ATP10A: variants seen among roughly 807,000 people sequenced by gnomAD.
ATP10A encodes the protein phospholipid-transporting ATPase VA.
A neutral mutation model predicts 147.8 loss-of-function variants in ATP10A; 111 were observed. The ratio of observed to expected loss-of-function variants is 0.75; its 90% CI spans 0.64 to 0.88. The LOEUF is 0.88. Ranked by LOEUF, ATP10A falls within the 40% of genes least tolerant of loss-of-function variation. The pLI, the probability that ATP10A is intolerant of heterozygous loss-of-function variation, is 0.00. For synonymous variants in ATP10A, 875 were observed against 841.6 expected (o/e 1.04, Z -0.69); for missense variants, 1,927 against 1,959.0 (o/e 0.98, Z 0.31).
Position 25,679,600 on chromosome 15 carries a change from T to C in ATP10A, c.4241A>G (p.Lys1414Arg), listed in dbSNP as rs768640562. The change falls in exon 21 of 21, where the codon AAG becomes AGG. Residue 1414 changes from lysine (K) to arginine (R), a missense_variant. Physicochemically the swap from Lys to Arg is conservative, Grantham distance 26. Transcript: ENST00000555815. ...RSPGGCPEES[K>R]VRAASTGRVT... ...CCTGCCGGTGCTGGCAGCTCTCACC[T>C]TGGACTCCTCAGGACACCCTCCTGG... 7 of 1,611,124 alleles carry C rather than the reference T, an allele frequency of 4.3e-6. No homozygotes were observed. The African/African-American group carries it at 5.3e-5, about 12-fold the overall frequency.
chr15:25,696,442 C>G (rs1174443086), intron 13 of ATP10A, among the ~76,000 whole-genome samples: 2 of 152,226 alleles, frequency 1.3e-5, no homozygotes, highest in Non-Finnish European at 2.9e-5. Flanking sequence ...GATGCCATCA[C>G]AGGAACTCCA....
chr15:25,721,854 A>T lies in ATP10A; in HGVS notation c.1166T>A (p.Val389Glu), dbSNP rs1228758242. The change falls in exon 7 of 21, where the codon GTG becomes GAG. Residue 389 changes from valine (V) to glutamate (E), a missense_variant. Physicochemically the swap from Val to Glu is moderately radical, Grantham distance 121. Transcript: ENST00000555815. Reference protein sequence around the residue: ...VSIEIVKACQVYFINQDMQLY... With the variant: ...VSIEIVKACQEYFINQDMQLY... ...CTGCATGTCCTGGTTAATGAAGTAC[A>T]CTTGGCATGCTTTAACAATTTCAAT... 6.2e-7 allele frequency: 1 copy of T among 1,614,150 alleles called. No individual in the cohort carries two copies. Among genetic ancestry groups the T allele is most frequent in the Non-Finnish European group, 8.5e-7 (1 of 1,180,012 alleles).
chr15:25,720,833 C>T (rs1404547622), intron 7 of ATP10A, among the ~76,000 whole-genome samples: 5 of 152,312 alleles, frequency 3.3e-5, no homozygotes, highest in South Asian at 2.1e-4. Context: ...GTCAAGTAAA[C>T]AACAGATGCT....
chr15:25,803,222 C>T (rs959590904), intron 1 of ATP10A, among the ~76,000 whole-genome samples: 1 of 152,214 alleles, frequency 6.6e-6, no homozygotes, highest in African/African-American at 2.4e-5. Flanking sequence ...TTCCCTGTCT[C>T]GGGCACTTCC....
intron 1 of ATP10A, among the ~76,000 whole-genome samples, chr15:25,804,025 G>A (rs1048761703): frequency 5.3e-5 from 8 of 151,722 alleles, no homozygotes; most frequent in African/African-American, 1.5e-4. Context: ...GCAGCATGGT[G>A]TGTGTGTGCA....
At chr15:25,849,041 T>G (rs1031529059) in intron 1 of ATP10A, among the ~76,000 whole-genome samples, 9 of 151,810 alleles carry the variant, frequency 5.9e-5, no homozygotes, top group Non-Finnish European at 1.0e-4. Context: ...GGCAGAGACC[T>G]TGGTGAGAGG....
intron 12 of ATP10A, among the ~76,000 whole-genome samples, chr15:25,703,464 C>T (rs1035930000): frequency 6.6e-6 from 1 of 152,214 alleles, no homozygotes; most frequent in African/African-American, 2.4e-5. Flanking sequence ...GATCCCACAC[C>T]AGACATTGTG....
In ATP10A at chr15:25,694,985, G is replaced by C. The variant is rs765325556; in HGVS notation, c.2922C>G (p.Ile974Met). The change falls in exon 14 of 21, where the codon ATC (isoleucine) becomes ATG (methionine). Residue 974 changes from isoleucine (I) to methionine (M), a missense_variant. Ile to Met is a conservative substitution (Grantham distance 10, BLOSUM62 1). Coordinates refer to ENST00000555815, the MANE Select transcript of ATP10A (RefSeq NM_024490.4). Reference protein sequence around the residue: ...TASGRRPSLVIDGRSLAYALE... With the variant: ...TASGRRPSLVMDGRSLAYALE... ...GAGCGTAGGCCAGGCTTCTCCCATC[G>C]ATCACGAGGCTGGGTCTGCGGCCAG... is the stretch of plus-strand genomic sequence containing the variant. The C allele has an allele frequency of 6.2e-7, 1 of 1,614,192 alleles. No individual in the cohort carries two copies. Among genetic ancestry groups the C allele is most frequent in the South Asian group, 1.1e-5 (1 of 91,084 alleles).
chr15:25,762,105 C>G (rs1394979459), intron 2 of ATP10A, among the ~76,000 whole-genome samples: 1 of 152,128 alleles, frequency 6.6e-6, no homozygotes, highest in Non-Finnish European at 1.5e-5. Context: ...CTCATGAGAT[C>G]TGATGGTCTT....
At chr15:25,736,414 GAA>G (rs571011031) in intron 2 of ATP10A, among the ~76,000 whole-genome samples, 3 of 152,222 alleles carry the variant, frequency 2.0e-5, no homozygotes, top group Non-Finnish European at 4.4e-5. Context: ...CAAAATGAGA[GAA>G]CAGGCGATAA....
rs1113698 is a variant in ATP10A at position 25,697,492 on chromosome 15, C to T, written c.2761-2346G>A. ...AAGATGACACAGATACTGACATTAT[C>T]GACAAAGAAAGACGAAAACAGCCAT... On this transcript the variant is annotated intron_variant, in intron 13 of 20. Transcript: ENST00000555815. 5.9e-3 allele frequency among the ~76,000 whole-genome samples: 903 copies of T among 152,088 alleles called. 11 individuals are homozygous for T. The highest frequency in any genetic ancestry group is 0.021 in the African/African-American group (873 of 41,472).
rs59125821 is a variant in ATP10A at position 25,794,566 on chromosome 15, T to C, written c.450-13343A>G. Among the ~76,000 whole-genome samples the C allele has an allele frequency of 5.2e-3, 790 of 152,304 alleles. 5 individuals carry two copies. Among genetic ancestry groups the C allele is most frequent in the African/African-American group, 0.018 (746 of 41,576 alleles). On this transcript the variant is annotated intron_variant, in intron 1 of 20. Transcript: ENST00000555815. ...TTAACACATGGATCAAAATATACCA[T>C]GGAGACATGATTTCCCTGGGCACAG...
chr15:25,801,523 G>A (rs979526528), intron 1 of ATP10A, among the ~76,000 whole-genome samples: 17 of 152,328 alleles, frequency 1.1e-4, no homozygotes, highest in African/African-American at 2.2e-4. Context: ...GAATGAGGGC[G>A]GACGAGAGTC....
chr15:25,771,742 C>G (rs1268031282), intron 2 of ATP10A, among the ~76,000 whole-genome samples: 2 of 151,800 alleles, frequency 1.3e-5, no homozygotes, highest in Admixed American at 6.6e-5. Context: ...ACTACACCTC[C>G]TGAAAGCCAC....
At chr15:25,729,706 C>T (rs930977350) in intron 3 of ATP10A, among the ~76,000 whole-genome samples, 2 of 152,188 alleles carry the variant, frequency 1.3e-5, no homozygotes, top group African/African-American at 4.8e-5. Context: ...CTGTGCTAGC[C>T]TCTGCCTGAG....
At chr15:25,783,207 A>T (rs1890008855) in intron 1 of ATP10A, among the ~76,000 whole-genome samples, 1 of 152,124 alleles carries the variant, frequency 6.6e-6, no homozygotes. Flanking sequence ...CCTCTGGGTG[A>T]TACTGTAAAA....
chr15:25,724,124 G>A, intron 5 of ATP10A, 103 bp from the exon 6 acceptor site: 2 of 1,243,224 alleles, frequency 1.6e-6, no homozygotes, highest in East Asian at 2.7e-5. Flanking sequence ...CCTGATGCAA[G>A]CACATTTGGT....
At chr15:25,768,683 A>ATTTTTTTT (rs143608940) in intron 2 of ATP10A, among the ~76,000 whole-genome samples, 5 of 89,644 alleles carry the variant, frequency 5.6e-5, no homozygotes, top group Admixed American at 1.3e-4. Context: ...AGCTGGGCTA[A>ATTTTTTTT]TTTTTTTTTT....
intron 8 of ATP10A, among the ~76,000 whole-genome samples, chr15:25,717,420 G>T (rs28589914): frequency 6.6e-5 from 10 of 152,110 alleles, no homozygotes; most frequent in Non-Finnish European, 2.9e-5. Flanking sequence ...TGGCTGAATC[G>T]CTAAATTGCT....
Sources: allele counts gnomAD v4.1 joint callset (sites outside exome capture counted in the v4.1 genomes callset), GRCh38; gene constraint gnomAD v4.1.1; transcripts MANE v1.5; gene names NCBI Gene and HGNC (gene_info 2026-07-23, HGNC 2026-07-21).